ITGA9: variants seen among roughly 807,000 people sequenced by gnomAD.
ITGA9 encodes integrin alpha-9.
A neutral mutation model predicts 127.8 loss-of-function variants in ITGA9; 56 were observed. That is an observed-to-expected ratio of 0.44 (90% confidence interval 0.35 to 0.55). The LOEUF (loss-of-function observed/expected upper bound fraction) is 0.55, where lower values mean the gene tolerates loss of function less well. Ranked by LOEUF, ITGA9 falls within the 20% of genes least tolerant of loss-of-function variation. The probability of loss-of-function intolerance (pLI) is 0.00; values close to 1 mark genes in which losing one functional copy is unlikely to be tolerated. For missense variants in ITGA9, 1,196 were observed against 1,347.1 expected (o/e 0.89, Z 1.76); for synonymous variants, 508 against 514.5 (o/e 0.99, Z 0.17).
intron 25 of ITGA9, among the ~76,000 whole-genome samples, chr3:37,784,512 A>C (rs1197553716): frequency 1.3e-5 from 2 of 152,230 alleles, no homozygotes; most frequent in Non-Finnish European, 2.9e-5. Flanking sequence ...TTTAAGAGCA[A>C]AGAAAGAGTT....
chr3:37,691,246 T>C (rs1240929852), intron 18 of ITGA9, among the ~76,000 whole-genome samples: 1 of 152,172 alleles, frequency 6.6e-6, no homozygotes, highest in Non-Finnish European at 1.5e-5. Context: ...ATCTCTAACC[T>C]GAGCACCTCA....
At chr3:37,598,108 G>A (rs1699885415) in intron 15 of ITGA9, among the ~76,000 whole-genome samples, 1 of 152,172 alleles carries the variant, frequency 6.6e-6, no homozygotes, top group African/African-American at 2.4e-5. Flanking sequence ...ATGGGGCTAG[G>A]AAAATTTATC....
intron 13 of ITGA9, among the ~76,000 whole-genome samples, chr3:37,528,510 G>A (rs1438976028): frequency 1.3e-5 from 2 of 152,178 alleles, no homozygotes; most frequent in Non-Finnish European, 2.9e-5. Context: ...TAGCATGCAA[G>A]GATGTTGTGG....
intron 1 of ITGA9, among the ~76,000 whole-genome samples, chr3:37,464,660 A>G (rs1290290949): frequency 6.6e-6 from 1 of 152,314 alleles, no homozygotes; most frequent in East Asian, 1.9e-4. Flanking sequence ...CTTACACTTT[A>G]TCACCATGCA....
intron 15 of ITGA9, among the ~76,000 whole-genome samples, chr3:37,566,405 A>G (rs1445857261): frequency 6.6e-6 from 1 of 152,222 alleles, no homozygotes; most frequent in Non-Finnish European, 1.5e-5. Context: ...GGATGAGGGG[A>G]ACTACTCTAT....
intron 15 of ITGA9, among the ~76,000 whole-genome samples, chr3:37,602,604 T>G (rs1252933770): frequency 3.3e-5 from 5 of 152,220 alleles, no homozygotes; most frequent in Non-Finnish European, 7.3e-5. Flanking sequence ...GTTTTTTTAA[T>G]TTTTATTTTT....
chr3:37,672,796 T>C (rs1409689271), intron 17 of ITGA9, among the ~76,000 whole-genome samples: 1 of 152,106 alleles, frequency 6.6e-6, no homozygotes, highest in East Asian at 1.9e-4. Context: ...ATACCAATTT[T>C]TATTATTCTA....
chr3:37,758,902 G>A (rs2125541872), intron 23 of ITGA9, among the ~76,000 whole-genome samples: 1 of 152,090 alleles, frequency 6.6e-6, no homozygotes, highest in South Asian at 2.1e-4. Flanking sequence ...TTTCCCCAGA[G>A]ACACACACAG....
chr3:37,590,359 C>T (rs1699803657), intron 15 of ITGA9, among the ~76,000 whole-genome samples: 2 of 152,122 alleles, frequency 1.3e-5, no homozygotes, highest in South Asian at 4.1e-4. Context: ...TATTCCAGAG[C>T]TGGGTGGAGA....
At chr3:37,589,344 A>G (rs1575159487) in intron 15 of ITGA9, among the ~76,000 whole-genome samples, 1 of 152,238 alleles carries the variant, frequency 6.6e-6, no homozygotes, top group African/African-American at 2.4e-5. Context: ...TGCAAGTACT[A>G]TTCTGGTAGC....
chr3:37,467,826 T>C (rs987134099), intron 1 of ITGA9, among the ~76,000 whole-genome samples: 3 of 152,156 alleles, frequency 2.0e-5, no homozygotes, highest in African/African-American at 4.8e-5. Context: ...AGGCTGAGGA[T>C]GTTTCAGCAG....
intron 5 of ITGA9, among the ~76,000 whole-genome samples, chr3:37,498,900 C>T (rs527688304): frequency 2.8e-4 from 42 of 152,342 alleles, no homozygotes; most frequent in African/African-American, 9.6e-4. Flanking sequence ...TCCAGGCCAG[C>T]GCGACTCCCC....
chr3:37,817,866 G>C (rs1697455122), intron 27 of ITGA9, among the ~76,000 whole-genome samples: 1 of 152,144 alleles, frequency 6.6e-6, no homozygotes, highest in Admixed American at 6.5e-5. Context: ...TAAGCTAGAG[G>C]AAATTGCCAT....
intron 17 of ITGA9, among the ~76,000 whole-genome samples, chr3:37,659,684 A>G (rs576844023): frequency 2.6e-5 from 4 of 152,146 alleles, no homozygotes; most frequent in African/African-American, 7.2e-5. Context: ...ACTTCTGTCA[A>G]TTCATCAGAC....
At position 37,790,154 on chromosome 3, in the gene ITGA9, C is replaced by T. The variant is rs555668130; in HGVS notation, c.2889+5076C>T. 49 of 565,876 alleles carry T rather than the reference C, an allele frequency of 8.7e-5. No homozygotes were observed. In the East Asian group the frequency reaches 2.2e-3, roughly 25 times the overall value. The allele number at this position is 565,876 out of a possible 1,614,324, so 35.1% of individuals were successfully genotyped here. A position where few individuals can be genotyped will look rare whatever the true frequency, so the allele number is the denominator to read the frequency against. ...ATATTTATCATATCAAAGTGATGAC[C>T]TTTCAGCAATCTGAATTCCTTTGGC... On this transcript the variant is annotated intron_variant, in intron 26 of 27. Transcript: ENST00000264741.
chr3:37,784,857 T>C, intron 25 of ITGA9, 120 bp from the exon 26 acceptor site: 3 of 767,636 alleles, frequency 3.9e-6, no homozygotes, highest in Non-Finnish European at 6.9e-6. Context: ...TCTAGTTCAA[T>C]GATAAAATTT....
chr3:37,568,825 TCAA>T (rs1476505410), intron 15 of ITGA9, among the ~76,000 whole-genome samples: 1 of 152,236 alleles, frequency 6.6e-6, no homozygotes, highest in Non-Finnish European at 1.5e-5. Flanking sequence ...TCAAAGCCAT[TCAA>T]CAAGTCTCTA....
intron 20 of ITGA9, among the ~76,000 whole-genome samples, chr3:37,740,913 A>G (rs1407797610): frequency 6.6e-6 from 1 of 152,150 alleles, no homozygotes; most frequent in Non-Finnish European, 1.5e-5. Context: ...TGCTATAGCC[A>G]GGGTCTATAG....
intron 22 of ITGA9, 130 bp from the exon 23 acceptor site, chr3:37,750,332 G>A (rs978208357): frequency 1.7e-5 from 12 of 689,196 alleles, no homozygotes; most frequent in Middle Eastern, 2.7e-4. Flanking sequence ...TTCAAGTTGT[G>A]ACCTTCCAGA....
Sources: gnomAD v4.1 joint callset for allele counts (sites outside exome capture counted in the v4.1 genomes callset) on GRCh38, gnomAD v4.1.1 for gene constraint, MANE v1.5 for transcripts, NCBI Gene and HGNC (gene_info 2026-07-23, HGNC 2026-07-21) for gene names.